Variants in LDLRAD4 observed in about 807,000 individuals in gnomAD.
The protein encoded by LDLRAD4 is low-density lipoprotein receptor class A domain-containing protein 4.
A neutral mutation model predicts 17.0 loss-of-function variants in LDLRAD4; 5 were observed. The ratio of observed to expected loss-of-function variants is 0.29; its 90% CI spans 0.15 to 0.62. The LOEUF (loss-of-function observed/expected upper bound fraction) is 0.62, where lower values mean the gene tolerates loss of function less well. Ranked by LOEUF, LDLRAD4 falls within the 20% of genes least tolerant of loss-of-function variation. The probability of loss-of-function intolerance (pLI) is 0.84; values close to 1 mark genes in which losing one functional copy is unlikely to be tolerated. For synonymous variants in LDLRAD4, 168 were observed against 171.8 expected, an observed-to-expected ratio of 0.98 and a Z score of 0.17; for missense variants, 340 against 424.7, an observed-to-expected ratio of 0.80 and a Z score of 1.75.
chr18:13,294,379 G>C (rs1050156159), intron 1 of LDLRAD4, among the ~76,000 whole-genome samples: 2 of 152,250 alleles, frequency 1.3e-5, no homozygotes, highest in African/African-American at 2.4e-5. Context: ...TCTCCACAAG[G>C]CTTAATCACT....
chr18:13,347,767 A>C (rs1381494290), intron 1 of LDLRAD4, among the ~76,000 whole-genome samples: 2 of 152,010 alleles, frequency 1.3e-5, no homozygotes, highest in Non-Finnish European at 2.9e-5. Context: ...GGCTTTGTTC[A>C]TTTCTTTTTA....
intron 3 of LDLRAD4, among the ~76,000 whole-genome samples, chr18:13,584,500 G>A (rs1385257823): frequency 5.3e-5 from 8 of 152,022 alleles, no homozygotes; most frequent in Non-Finnish European, 1.2e-4. Flanking sequence ...CTGAGAACAG[G>A]AGCTCATCCG....
At chr18:13,246,857 A>G (rs1041596575) in intron 1 of LDLRAD4, among the ~76,000 whole-genome samples, 3 of 152,180 alleles carry the variant, frequency 2.0e-5, no homozygotes, top group Non-Finnish European at 2.9e-5. Flanking sequence ...CCCTGCAGGT[A>G]GATCATGATC....
intron 3 of LDLRAD4, among the ~76,000 whole-genome samples, chr18:13,596,660 G>T (rs1365005786): frequency 1.3e-5 from 2 of 152,054 alleles, no homozygotes; most frequent in Non-Finnish European, 2.9e-5. Flanking sequence ...GTTACTTTGT[G>T]TCATTTTATG....
At chr18:13,319,576 C>G (rs1187247828) in intron 1 of LDLRAD4, among the ~76,000 whole-genome samples, 2 of 152,202 alleles carry the variant, frequency 1.3e-5, no homozygotes, top group African/African-American at 4.8e-5. Context: ...ATGACTCTCT[C>G]ATTTTTGTGT....
At chr18:13,238,428 G>A (rs1048604391) in intron 1 of LDLRAD4, among the ~76,000 whole-genome samples, 1 of 152,254 alleles carries the variant, frequency 6.6e-6, no homozygotes, top group African/African-American at 2.4e-5. Context: ...GTGTCTTGAA[G>A]CACTGTTGGA....
At chr18:13,388,382 G>T (rs772998480) in intron 2 of LDLRAD4, among the ~76,000 whole-genome samples, 7 of 152,184 alleles carry the variant, frequency 4.6e-5, no homozygotes, top group Non-Finnish European at 1.0e-4. Context: ...TCTGATTCAT[G>T]TAACATTCCA....
chr18:13,305,272 G>A (rs767341565), intron 1 of LDLRAD4, among the ~76,000 whole-genome samples: 1 of 152,104 alleles, frequency 6.6e-6, no homozygotes, highest in Admixed American at 6.5e-5. Flanking sequence ...ATTTGCAGTC[G>A]AGAAATGTAA....
chr18:13,606,233 A>G (rs2095223186), intron 3 of LDLRAD4, among the ~76,000 whole-genome samples: 1 of 152,178 alleles, frequency 6.6e-6, no homozygotes. Context: ...GGGTAGCTGC[A>G]ATTTCAGGCA....
intron 3 of LDLRAD4, among the ~76,000 whole-genome samples, chr18:13,579,054 A>G (rs1044710176): frequency 1.3e-5 from 2 of 151,774 alleles, no homozygotes; most frequent in African/African-American, 4.8e-5. Flanking sequence ...GTCAGACGTG[A>G]TGGCACGTGC....
rs183481745 is a variant in LDLRAD4, at chr18:13,633,390, C to T, written c.337-9969C>T. Among the ~76,000 whole-genome samples the T allele has an allele frequency of 3.5e-3, 526 of 152,352 alleles. 2 individuals carry two copies. The highest frequency in any genetic ancestry group is 0.012 in the African/African-American group (498 of 41,582). ...CTTGAAGGTGGGGCTTCAGCAGGGACCTGCCCCTTTTTGCCCAGGAGCCTG... is the reference window on the plus strand; with the variant it reads ...CTTGAAGGTGGGGCTTCAGCAGGGATCTGCCCCTTTTTGCCCAGGAGCCTG... On this transcript the variant is annotated intron_variant, in intron 4 of 5. Transcript: ENST00000359446.
chr18:13,453,488 C>T (rs2091956668), intron 3 of LDLRAD4, among the ~76,000 whole-genome samples: 1 of 151,750 alleles, frequency 6.6e-6, no homozygotes, highest in African/African-American at 2.4e-5. Flanking sequence ...TCGCAGCTGC[C>T]GGCAAGGAAG....
At chr18:13,330,101 G>A (rs1286241744) in intron 1 of LDLRAD4, among the ~76,000 whole-genome samples, 5 of 152,014 alleles carry the variant, frequency 3.3e-5, no homozygotes, top group East Asian at 3.9e-4. Flanking sequence ...GACTACAGGC[G>A]CCTGCCACCA....
intron 4 of LDLRAD4, among the ~76,000 whole-genome samples, chr18:13,632,576 G>A (rs558395945): frequency 5.4e-4 from 82 of 152,358 alleles, no homozygotes; most frequent in Admixed American, 1.0e-3. Context: ...CCCAAAGATG[G>A]TGTCACAGCC....
intron 1 of LDLRAD4, among the ~76,000 whole-genome samples, chr18:13,224,671 G>A (rs1241962451): frequency 4.0e-5 from 6 of 151,442 alleles, no homozygotes; most frequent in African/African-American, 1.5e-4. Context: ...TAGTAGAGAC[G>A]GGGTTTCAGC....
intron 3 of LDLRAD4, among the ~76,000 whole-genome samples, chr18:13,469,297 G>A (rs2092706984): frequency 2.6e-5 from 4 of 152,300 alleles, no homozygotes; most frequent in South Asian, 2.1e-4. Flanking sequence ...AGTTTACAAC[G>A]ATGCAGCTAC....
At chr18:13,231,586 A>G (rs1434807730) in intron 1 of LDLRAD4, among the ~76,000 whole-genome samples, 1 of 152,246 alleles carries the variant, frequency 6.6e-6, no homozygotes, top group East Asian at 1.9e-4. Flanking sequence ...TCTCGACCAC[A>G]GTGCTTTAAT....
chr18:13,374,747 A>AG (rs1451265407), intron 1 of LDLRAD4, among the ~76,000 whole-genome samples: 1 of 152,142 alleles, frequency 6.6e-6, no homozygotes, highest in Non-Finnish European at 1.5e-5. Context: ...CTGTTGGCTG[A>AG]GGGGCGATTG....
intron 3 of LDLRAD4, among the ~76,000 whole-genome samples, chr18:13,595,732 T>C (rs1037207799): frequency 1.3e-5 from 2 of 152,246 alleles, no homozygotes. Flanking sequence ...CTTTCTGTTA[T>C]GATTTCTAGT....
Sources: allele counts gnomAD v4.1 joint callset (sites outside exome capture counted in the v4.1 genomes callset), GRCh38; gene constraint gnomAD v4.1.1; transcripts MANE v1.5; gene names NCBI Gene and HGNC (gene_info 2026-07-23, HGNC 2026-07-21).